Variants in FAT2 observed in about 807,000 individuals in gnomAD.
FAT2 encodes FAT atypical cadherin 2.
In FAT2, 150 loss-of-function variants were observed where a neutral mutation model predicts 295.3. The ratio of observed to expected loss-of-function variants is 0.51; its 90% CI spans 0.44 to 0.58. The LOEUF is 0.58. Ranked by LOEUF, FAT2 falls within the 20% of genes least tolerant of loss-of-function variation. FAT2 has a pLI of 0.00. For synonymous variants in FAT2, 2,026 were observed against 2,150.3 expected (o/e 0.94, Z 1.60); for missense variants, 4,868 against 5,442.7 (o/e 0.89, Z 3.32).
At position 151,531,621 on chromosome 5, in the gene FAT2, G is replaced by A. The variant is rs374920255; in HGVS notation, c.9777C>T (p.Asn3259=). 7.4e-6 allele frequency: 12 copies of A among 1,613,194 alleles called. No homozygotes were observed. Among genetic ancestry groups the A allele is most frequent in the Admixed American group, 1.7e-5 (1 of 60,030 alleles). Residue 3259 remains asparagine, a synonymous_variant, in exon 14 of 24, where the codon AAC becomes AAT. Coordinates refer to ENST00000261800, the MANE Select transcript of FAT2 (RefSeq NM_001447.3). This position sits in a 1 kb window ranked among gnomAD's most constrained non-coding sequence, Gnocchi z 5.7. ...EKTGYRVVSG[N]EQGRFRLDAR... ...CATCCAGGCGGAACCTGCCTTGCTC[G>A]TTCCCGCTGACCACGCGGTAGCCGG...
chr5:151,537,984 G>GA (rs1197321613), intron 11 of FAT2, 38 bp from the exon 12 acceptor site: 60 of 1,596,920 alleles, frequency 3.8e-5, no homozygotes, highest in Non-Finnish European at 4.9e-5. Context: ...AGACTGTGGG[G>GA]ACTGCATTCA....
chr5:151,577,690 C>A (rs1010315538), intron 1 of FAT2, among the ~76,000 whole-genome samples: 1 of 151,914 alleles, frequency 6.6e-6, no homozygotes. Flanking sequence ...ACAGAACAGG[C>A]AACGCAAAGG....
rs542106304 is a variant in FAT2, at chr5:151,537,983, G to T, written c.9040-37C>A. On this transcript the variant is annotated intron_variant, in intron 11 of 23. Coordinates refer to ENST00000261800, the MANE Select transcript of FAT2 (RefSeq NM_001447.3). ...AAGACAAAGAAGAGGGAGACTGTGG[G>T]GACTGCATTCAGATCCAGAGAGAAG... 6 of 1,600,668 alleles carry T rather than the reference G, an allele frequency of 3.7e-6. No individual in the cohort carries two copies. The South Asian group carries it at 6.8e-5, about 18-fold the overall frequency.
intron 2 of FAT2, 26 bp downstream of exon 2, chr5:151,565,647 A>ACGCCCCCCCCCCC: frequency 6.8e-7 from 1 of 1,461,028 alleles, no homozygotes; most frequent in Non-Finnish European, 9.3e-7. Flanking sequence ...TGGCCCTGGC[A>ACGCCCCCCCCCCC]CCCCACCCTA....
At chr5:151,560,723 C>T (rs1036674801) in intron 3 of FAT2, among the ~76,000 whole-genome samples, 14 of 152,232 alleles carry the variant, frequency 9.2e-5, no homozygotes, top group Admixed American at 9.2e-4. Flanking sequence ...TTTCTCAAGA[C>T]CTGAAACTGT....
chr5:151,556,166 C>G (rs1757673873), intron 4 of FAT2, 178 bp downstream of exon 4: 2 of 619,514 alleles, frequency 3.2e-6, no homozygotes, highest in Non-Finnish European at 5.8e-6. Context: ...AGACTCCTTC[C>G]CTTCTCAGTG....
In FAT2 at chr5:151,529,352, G is replaced by A. The variant is rs2127588829; in HGVS notation, c.9852C>T (p.Ser3284=). 2 of 1,614,076 alleles carry A rather than the reference G, an allele frequency of 1.2e-6. No homozygotes were observed. Among genetic ancestry groups the A allele is most frequent in the Non-Finnish European group, 1.7e-6 (2 of 1,180,028 alleles). Residue 3284 remains serine (S), a synonymous_variant, in exon 15 of 24, where the codon AGC becomes AGT. Transcript: ENST00000261800. ...YVNASLDFET[S]PKYFLSIECS... is the part of the protein sequence containing the mutation. ...ACTCAATGGACAGGAAGTACTTGGG[G>A]CTTGTCTCAAAGTCCAGGCTTGCGT...
intron 8 of FAT2, 142 bp downstream of exon 8, chr5:151,550,448 T>A: frequency 1.0e-6 from 1 of 955,004 alleles, no homozygotes; most frequent in Non-Finnish European, 1.5e-6. Flanking sequence ...AAGGTGCCCT[T>A]AGCCAGCTGT....
chr5:151,586,729 T>A (rs1225829032), intron 1 of FAT2, among the ~76,000 whole-genome samples: 1 of 152,244 alleles, frequency 6.6e-6, no homozygotes, highest in Non-Finnish European at 1.5e-5. Context: ...CTTTCTGTTT[T>A]AAAGAGATAT....
chr5:151,568,024 A>T lies in FAT2; in HGVS notation c.908T>A (p.Ile303Asn). 1 of 1,614,182 alleles carries T rather than the reference A, an allele frequency of 6.2e-7. No homozygotes were observed. Among genetic ancestry groups the T allele is most frequent in the Non-Finnish European group, 8.5e-7 (1 of 1,180,038 alleles). ...GGDPGKHFKA[I>N]KSYARSNEFS... ...CTCATTGCTCCGGGCATAAGACTTGATGGCTTTGAAGTGCTTTCCAGGGTC... is the reference window on the plus strand; with the variant it reads ...CTCATTGCTCCGGGCATAAGACTTGTTGGCTTTGAAGTGCTTTCCAGGGTC... Residue 303 changes from isoleucine (I) to asparagine (N), a missense_variant, in exon 2 of 24, where the codon ATC becomes AAC. Ile to Asn is a moderately radical substitution (Grantham distance 149, BLOSUM62 -3). Transcript: ENST00000261800.
intron 11 of FAT2, among the ~76,000 whole-genome samples, chr5:151,540,175 G>A (rs928214631): frequency 8.5e-5 from 13 of 152,224 alleles, no homozygotes; most frequent in African/African-American, 2.7e-4. Context: ...GGAATGTAGG[G>A]GGAGAGATGT....
In FAT2 at chr5:151,542,921, T is replaced by A. The variant is rs570674049; in HGVS notation, c.8206A>T (p.Lys2736Ter). 6.2e-7 allele frequency: 1 copy of A among 1,614,106 alleles called. No individual in the cohort carries two copies. Among genetic ancestry groups the A allele is most frequent in the African/African-American group, 1.3e-5 (1 of 74,932 alleles). The part of the protein sequence containing the change: ...LVRGTTPESN[K>*]DGVFSLDPDT... ...GGGTCTAGGGAGAAGACACCATCCTTGTTGCTCTCAGGTGTAGTGCCCCGC... is the reference window on the plus strand; with the variant it reads ...GGGTCTAGGGAGAAGACACCATCCTAGTTGCTCTCAGGTGTAGTGCCCCGC... The change falls in exon 10 of 24, where the codon AAG (lysine) becomes TAG (stop). Residue 2736 changes from lysine to a stop codon, truncating the protein, a stop_gained. Coordinates refer to ENST00000261800, the MANE Select transcript of FAT2 (RefSeq NM_001447.3). LOFTEE classifies it high-confidence loss of function.
intron 1 of FAT2, among the ~76,000 whole-genome samples, chr5:151,572,563 C>A (rs1427964240): frequency 1.3e-5 from 2 of 152,240 alleles, no homozygotes; most frequent in Non-Finnish European, 2.9e-5. Flanking sequence ...CTCAATATTC[C>A]TGAACCTCAG....
chr5:151,507,795 AT>A (rs1301244743), intron 22 of FAT2, among the ~76,000 whole-genome samples, 184 bp from the exon 23 acceptor site: 1 of 152,122 alleles, frequency 6.6e-6, no homozygotes, highest in Non-Finnish European at 1.5e-5. Context: ...CCAGTAAAGT[AT>A]GGGTCTCAGC....
At chr5:151,573,809 A>G (rs952616086) in intron 1 of FAT2, among the ~76,000 whole-genome samples, 1 of 152,200 alleles carries the variant, frequency 6.6e-6, no homozygotes, top group African/African-American at 2.4e-5. Context: ...CCAGCTTCTC[A>G]GGATCTTGAT....
At chr5:151,510,329 C>T (rs1761224637) in intron 21 of FAT2, 155 bp from the exon 22 acceptor site, 2 of 787,590 alleles carry the variant, frequency 2.5e-6, no homozygotes, top group Admixed American at 2.8e-5. Flanking sequence ...GGCATTGGTG[C>T]CCTGCTGAAC....
At chr5:151,513,068 A>G (rs1761445980) in intron 20 of FAT2, among the ~76,000 whole-genome samples, 1 of 152,228 alleles carries the variant, frequency 6.6e-6, no homozygotes, top group African/African-American at 2.4e-5. Context: ...GTATTTTTAT[A>G]GTAATCCTAA....
intron 20 of FAT2, among the ~76,000 whole-genome samples, chr5:151,515,994 A>C (rs1294317027): frequency 6.6e-6 from 1 of 152,074 alleles, no homozygotes; most frequent in Non-Finnish European, 1.5e-5. Flanking sequence ...TCCTCCTCCT[A>C]CTGTTCCCTT....
At position 151,568,071 on chromosome 5, in the gene FAT2, C is replaced by A. The variant is rs772892942; in HGVS notation, c.861G>T (p.Glu287Asp). Residue 287 changes from glutamate to aspartate, a missense_variant, in exon 2 of 24, where the codon GAG (glutamate) becomes GAT (aspartate). Transcript: ENST00000261800. The part of the protein sequence containing the change: ...VDANSSGAEV[E>D]SVEVVGGDPG... ...GGTCACCACCAACAACTTCCACTGA[C>A]TCCACTTCAGCTCCTGAGCTATTTG... 6.2e-7 allele frequency: 1 copy of A among 1,614,208 alleles called. No individual in the cohort carries two copies. Among genetic ancestry groups the A allele is most frequent in the South Asian group, 1.1e-5 (1 of 91,084 alleles).
Sources: allele counts gnomAD v4.1 joint callset (sites outside exome capture counted in the v4.1 genomes callset), GRCh38; gene constraint gnomAD v4.1.1; non-coding constraint Gnocchi (gnomAD v3.1); transcripts MANE v1.5; gene names NCBI Gene and HGNC (gene_info 2026-07-23, HGNC 2026-07-21).